Variants in CDK19 observed in about 807,000 individuals in gnomAD.
CDK19 encodes the protein cyclin-dependent kinase 19.
A neutral mutation model predicts 68.3 loss-of-function variants in CDK19; 20 were observed. The observed-to-expected ratio is 0.29, with a 90% CI of 0.21 to 0.43. The LOEUF (loss-of-function observed/expected upper bound fraction) is 0.43, where lower values mean the gene tolerates loss of function less well. CDK19 is among the 20% of genes least tolerant of loss of function. CDK19 has a pLI of 1.00. For missense variants in CDK19, 339 were observed against 623.5 expected, an observed-to-expected ratio of 0.54 and a Z score of 4.86; for synonymous variants, 221 against 222.8, an observed-to-expected ratio of 0.99 and a Z score of 0.07.
intron 4 of CDK19, among the ~76,000 whole-genome samples, chr6:110,644,412 C>CA (rs1008790721): frequency 1.3e-5 from 2 of 151,272 alleles, no homozygotes; most frequent in Non-Finnish European, 1.5e-5. Flanking sequence ...GTAATGGGCA[C>CA]AAAAAATAGA....
At chr6:110,668,055 T>C (rs1297512783) in intron 3 of CDK19, among the ~76,000 whole-genome samples, 1 of 152,150 alleles carries the variant, frequency 6.6e-6, no homozygotes, top group East Asian at 1.9e-4. Flanking sequence ...TAGGAGTTAA[T>C]GTTAAATATG....
At chr6:110,647,605 T>A (rs1315194543) in intron 4 of CDK19, among the ~76,000 whole-genome samples, 1 of 152,180 alleles carries the variant, frequency 6.6e-6, no homozygotes, top group Middle Eastern at 3.2e-3. Context: ...CACAATGAAT[T>A]AGAAAAACTG....
intron 4 of CDK19, among the ~76,000 whole-genome samples, chr6:110,650,287 G>A (rs945642259): frequency 1.3e-5 from 2 of 152,246 alleles, no homozygotes; most frequent in South Asian, 2.1e-4. Context: ...TACCTCTTGG[G>A]AGGAGCCAGG....
At chr6:110,623,851 CATAT>C (rs1191122076) in intron 8 of CDK19, among the ~76,000 whole-genome samples, 2 of 143,410 alleles carry the variant, frequency 1.4e-5, no homozygotes, top group African/African-American at 2.6e-5. Flanking sequence ...CACATATATA[CATAT>C]ATATACATAT....
intron 4 of CDK19, among the ~76,000 whole-genome samples, chr6:110,652,551 A>G (rs555228738): frequency 1.3e-5 from 2 of 152,360 alleles, no homozygotes; most frequent in African/African-American, 4.8e-5. Context: ...CTTTAAAAAT[A>G]AAGATAGTAA....
At chr6:110,775,343 C>T (rs1035402967) in intron 1 of CDK19, among the ~76,000 whole-genome samples, 1 of 152,118 alleles carries the variant, frequency 6.6e-6, no homozygotes, top group Admixed American at 6.6e-5. Context: ...ACATTCTCTT[C>T]TTAGAACCAG....
At chr6:110,683,591 C>T (rs1772195867) in intron 2 of CDK19, among the ~76,000 whole-genome samples, 1 of 152,022 alleles carries the variant, frequency 6.6e-6, no homozygotes. Context: ...TCTGCATGTA[C>T]TTGGTCTAAG....
chr6:110,673,418 A>G (rs980695355), intron 2 of CDK19, among the ~76,000 whole-genome samples: 2 of 152,180 alleles, frequency 1.3e-5, no homozygotes, highest in East Asian at 3.8e-4. Flanking sequence ...TGGTGTATAA[A>G]TAACTATTTG....
chr6:110,721,334 T>C (rs369487963), intron 2 of CDK19, among the ~76,000 whole-genome samples: 1 of 152,088 alleles, frequency 6.6e-6, no homozygotes, highest in Non-Finnish European at 1.5e-5. Context: ...AGGAGTAATA[T>C]CATATGTTAG....
At chr6:110,771,563 C>T (rs1194124106) in intron 1 of CDK19, among the ~76,000 whole-genome samples, 3 of 152,216 alleles carry the variant, frequency 2.0e-5, no homozygotes, top group Non-Finnish European at 4.4e-5. Flanking sequence ...CTCTGACATG[C>T]TCTGGAGACA....
intron 2 of CDK19, among the ~76,000 whole-genome samples, chr6:110,715,625 T>TA (rs1006864824): frequency 5.9e-5 from 9 of 152,190 alleles, no homozygotes; most frequent in African/African-American, 1.7e-4. Context: ...GTACTTGAGA[T>TA]ACAGGCGTGC....
intron 4 of CDK19, among the ~76,000 whole-genome samples, chr6:110,661,391 G>A (rs1781608983): frequency 6.6e-6 from 1 of 152,092 alleles, no homozygotes; most frequent in South Asian, 2.1e-4. Flanking sequence ...GAAAAATTGG[G>A]GAATATCTGT....
intron 2 of CDK19, among the ~76,000 whole-genome samples, chr6:110,678,243 G>A (rs549950181): frequency 2.0e-5 from 3 of 151,902 alleles, no homozygotes; most frequent in East Asian, 1.9e-4. Context: ...TCTAGTCTGC[G>A]GGCTTTAAAT....
intron 2 of CDK19, among the ~76,000 whole-genome samples, chr6:110,713,212 A>G (rs1286443145): frequency 6.6e-6 from 1 of 150,768 alleles, no homozygotes; most frequent in Non-Finnish European, 1.5e-5. Flanking sequence ...AAAAAAAAAA[A>G]GCAACATACT....
intron 1 of CDK19, among the ~76,000 whole-genome samples, chr6:110,750,677 T>A (rs1420045976): frequency 6.6e-6 from 1 of 152,234 alleles, no homozygotes; most frequent in East Asian, 1.9e-4. Flanking sequence ...GATATTTATT[T>A]ACTAAGCGTC....
At chr6:110,758,131 C>T (rs1436790217) in intron 1 of CDK19, among the ~76,000 whole-genome samples, 1 of 152,114 alleles carries the variant, frequency 6.6e-6, no homozygotes, top group Non-Finnish European at 1.5e-5. Flanking sequence ...GTTGAGGCTG[C>T]AGTGAGTCAT....
intron 4 of CDK19, among the ~76,000 whole-genome samples, chr6:110,662,417 T>C (rs1011487096): frequency 6.6e-6 from 1 of 152,188 alleles, no homozygotes; most frequent in Non-Finnish European, 1.5e-5. Context: ...GATAGTTCAA[T>C]TTATATCACT....
chr6:110,680,803 C>A (rs1771945142), intron 2 of CDK19, among the ~76,000 whole-genome samples: 1 of 151,840 alleles, frequency 6.6e-6, no homozygotes, highest in Non-Finnish European at 1.5e-5. Flanking sequence ...TCGAGGCCAG[C>A]CTGGACAACA....
At chr6:110,620,031 T>C (rs1030114044) in intron 12 of CDK19, among the ~76,000 whole-genome samples, 2 of 152,196 alleles carry the variant, frequency 1.3e-5, no homozygotes, top group African/African-American at 4.8e-5. Context: ...TCAAATATGC[T>C]CATGCTACTA....
Sources: gnomAD v4.1 joint callset for allele counts (sites outside exome capture counted in the v4.1 genomes callset) on GRCh38, gnomAD v4.1.1 for gene constraint, MANE v1.5 for transcripts, NCBI Gene and HGNC (gene_info 2026-07-23, HGNC 2026-07-21) for gene names.